ELFN1: variants seen among roughly 807,000 people sequenced by gnomAD.
ELFN1 encodes the protein extracellular leucine rich repeat and fibronectin type III domain containing 1.
In ELFN1, 6 loss-of-function variants were observed where a neutral mutation model predicts 7.6. The observed-to-expected ratio is 0.79, with a 90% confidence interval of 0.43 to 1.56. ELFN1 has a LOEUF of 1.56. Among genes scored for constraint, ELFN1 ranks in the 40% most tolerant of loss-of-function variants. ELFN1 has a pLI of 0.01. For missense variants in ELFN1, 1,169 were observed against 1,232.2 expected (o/e 0.95, Z 0.77); for synonymous variants, 657 against 588.1 (o/e 1.12, Z -1.70).
chr7:1,706,683 G>C (rs1779536926), intron 2 of ELFN1, among the ~76,000 whole-genome samples: 2 of 152,226 alleles, frequency 1.3e-5, no homozygotes, highest in Admixed American at 6.5e-5. Context: ...AAGGACCACT[G>C]TGAGGTTGTC....
At chr7:1,677,281 A>G (rs1778889586) in intron 1 of ELFN1, among the ~76,000 whole-genome samples, 1 of 152,170 alleles carries the variant, frequency 6.6e-6, no homozygotes, top group South Asian at 2.1e-4. Flanking sequence ...GATTGGTATG[A>G]AACAGTGGGG....
intron 1 of ELFN1, among the ~76,000 whole-genome samples, chr7:1,679,134 C>A (rs1778926568): frequency 6.6e-6 from 1 of 151,970 alleles, no homozygotes; most frequent in East Asian, 1.9e-4. Context: ...CACATACACA[C>A]ACACGCGTGC....
At chr7:1,714,064 A>G (rs1779752285) in intron 3 of ELFN1, among the ~76,000 whole-genome samples, 1 of 152,210 alleles carries the variant, frequency 6.6e-6, no homozygotes, top group African/African-American at 2.4e-5. Flanking sequence ...CATGCCTCAC[A>G]CGGGCGGGCT....
At chr7:1,741,592 G>A (rs1486390364) in intron 3 of ELFN1, among the ~76,000 whole-genome samples, 6 of 152,196 alleles carry the variant, frequency 3.9e-5, no homozygotes, top group Non-Finnish European at 5.9e-5. Context: ...ATGGTGGTAC[G>A]GAAAGGGCTG....
At chr7:1,715,842 G>C (rs138943184) in intron 3 of ELFN1, among the ~76,000 whole-genome samples, 5 of 152,302 alleles carry the variant, frequency 3.3e-5, no homozygotes, top group South Asian at 2.1e-4. Flanking sequence ...TCCGGCCCCA[G>C]TTTGCCCATC....
intron 3 of ELFN1, among the ~76,000 whole-genome samples, chr7:1,712,375 C>T (rs1438350643): frequency 6.6e-6 from 1 of 151,742 alleles, no homozygotes. Flanking sequence ...CCGCCTCGGC[C>T]TCCCAAAGTG....
At chr7:1,679,136 C>A (rs1038687736) in intron 1 of ELFN1, among the ~76,000 whole-genome samples, 1 of 151,964 alleles carries the variant, frequency 6.6e-6, no homozygotes, top group Non-Finnish European at 1.5e-5. Context: ...CATACACACA[C>A]ACGCGTGCGC....
intron 3 of ELFN1, among the ~76,000 whole-genome samples, chr7:1,720,419 C>T (rs1158731221): frequency 6.6e-6 from 1 of 152,226 alleles, no homozygotes; most frequent in African/African-American, 2.4e-5. Context: ...AGCTATGCCC[C>T]AACAAGCCTC....
At chr7:1,726,294 G>A (rs1374474788) in intron 3 of ELFN1, among the ~76,000 whole-genome samples, 1 of 152,226 alleles carries the variant, frequency 6.6e-6, no homozygotes, top group Non-Finnish European at 1.5e-5. Context: ...CAAGCCGAGA[G>A]CCGCAGCCCT....
chr7:1,691,616 C>T (rs1188394883), intron 2 of ELFN1, among the ~76,000 whole-genome samples: 1 of 152,218 alleles, frequency 6.6e-6, no homozygotes, highest in South Asian at 2.1e-4. Flanking sequence ...CCACTGCTCC[C>T]ACAGCCCAGG....
At chr7:1,675,477 CG>C (rs1401097459) in intron 1 of ELFN1, among the ~76,000 whole-genome samples, 11 of 152,356 alleles carry the variant, frequency 7.2e-5, no homozygotes, top group Non-Finnish European at 1.5e-4. Context: ...CCGTGTTTAC[CG>C]ACAGATCCGA....
At chr7:1,702,290 GGCGGGTGCCTGTAGTCCCA>G (rs535952875) in intron 2 of ELFN1, among the ~76,000 whole-genome samples, 103 of 152,062 alleles carry the variant, frequency 6.8e-4, no homozygotes, top group Non-Finnish European at 1.1e-3. Flanking sequence ...CCAGCGTGAT[GGCGGGTGCCTGTAGTCCCA>G]GCTACTTGGG....
chr7:1,745,693 T>G lies in ELFN1; in HGVS notation c.1097T>G (p.Ile366Ser). ...VSRLTKAQEE[I>S]RLTNLFTLTN... ...AGGCTGACCAAGGCCCAGGAGGAGA[T>G]CCGTCTGACCAACCTGTTCACGCTC... The change falls in exon 4 of 4, where the codon ATC (isoleucine) becomes AGC (serine). Residue 366 changes from isoleucine (I) to serine (S), a missense_variant. Physicochemically the swap from Ile to Ser is moderately radical, Grantham distance 142 (BLOSUM62 -2). Transcript: ENST00000424383. The G allele has an allele frequency of 6.4e-7, 1 of 1,551,370 alleles. No individual in the cohort carries two copies. Among genetic ancestry groups the G allele is most frequent in the Non-Finnish European group, 8.7e-7 (1 of 1,146,980 alleles).
At chr7:1,694,214 C>T (rs962875540) in intron 2 of ELFN1, 1 of 200,936 alleles carries the variant, frequency 5.0e-6, no homozygotes, top group African/African-American at 2.3e-5. Flanking sequence ...CCCCAGGTCC[C>T]AGGCTTGGGA....
At chr7:1,730,266 C>G (rs527642535) in intron 3 of ELFN1, among the ~76,000 whole-genome samples, 1 of 152,356 alleles carries the variant, frequency 6.6e-6, no homozygotes, top group East Asian at 1.9e-4. Flanking sequence ...AACACATCCA[C>G]TGGGGAGGGG....
At chr7:1,667,059 C>T (rs1348076451), upstream of ELFN1, among the ~76,000 whole-genome samples, 2 of 151,440 alleles carry the variant, frequency 1.3e-5, no homozygotes, top group Non-Finnish European at 3.0e-5. This position sits in a 1 kb window ranked among gnomAD's most constrained non-coding sequence, Gnocchi z 8.2. Context: ...CCTGGTCCCT[C>T]TTCCGCCGCT....
rs1299984139 is a variant in ELFN1 at position 1,705,906 on chromosome 7, G to T, written c.-455-3185G>T. Reference sequence around the variant, plus strand: ...GCCCAGTGGTCTCTGAGGTTCCCCAGCCTGCGGTTCCAGACGAGATTGAAC... The same window carrying T: ...GCCCAGTGGTCTCTGAGGTTCCCCATCCTGCGGTTCCAGACGAGATTGAAC... On this transcript the variant is annotated intron_variant, in intron 2 of 3. Transcript: ENST00000424383. This position sits in a 1 kb window ranked among gnomAD's most constrained non-coding sequence, Gnocchi z 4.3. Among the ~76,000 whole-genome samples the T allele has an allele frequency of 3.3e-5, 5 of 152,212 alleles. No homozygotes were observed. The highest frequency in any genetic ancestry group is 7.3e-5 in the Non-Finnish European group (5 of 68,032).
intron 3 of ELFN1, among the ~76,000 whole-genome samples, chr7:1,732,717 G>T (rs1780350291): frequency 6.6e-6 from 1 of 152,060 alleles, no homozygotes; most frequent in Non-Finnish European, 1.5e-5. Context: ...CATGTCGGTG[G>T]GGAGAAATAT....
intron 3 of ELFN1, among the ~76,000 whole-genome samples, chr7:1,741,859 A>G (rs534738035): frequency 1.5e-4 from 22 of 151,694 alleles, no homozygotes; most frequent in African/African-American, 5.3e-4. Flanking sequence ...CTGCCCAGAC[A>G]GGGGGTCCTC....
Sources: allele counts gnomAD v4.1 joint callset (sites outside exome capture counted in the v4.1 genomes callset), GRCh38; gene constraint gnomAD v4.1.1; non-coding constraint Gnocchi (gnomAD v3.1); transcripts MANE v1.5; gene names NCBI Gene and HGNC (gene_info 2026-07-23, HGNC 2026-07-21).